Variants in ADAMTS12 observed in about 807,000 individuals in gnomAD.
ADAMTS12 encodes A disintegrin and metalloproteinase with thrombospondin motifs 12.
Under a neutral mutation model 167.8 loss-of-function variants are expected in ADAMTS12, and 118 were observed. The observed-to-expected ratio is 0.70, with a 90% CI of 0.61 to 0.82. The LOEUF (loss-of-function observed/expected upper bound fraction) is 0.82. Ranked by LOEUF, ADAMTS12 falls within the 40% of genes least tolerant of loss-of-function variation. ADAMTS12 has a pLI of 0.00. For missense variants in ADAMTS12, 1,916 were observed against 1,998.8 expected (o/e 0.96, Z 0.79); for synonymous variants, 704 against 716.9 (o/e 0.98, Z 0.29).
intron 2 of ADAMTS12, among the ~76,000 whole-genome samples, chr5:33,757,679 T>C (rs901507439): frequency 6.6e-5 from 10 of 152,124 alleles, no homozygotes; most frequent in Admixed American, 5.9e-4. Context: ...TAAAAGAATA[T>C]AGGATCAAAA....
chr5:33,670,570 C>T (rs957948238), intron 5 of ADAMTS12, among the ~76,000 whole-genome samples: 3 of 152,066 alleles, frequency 2.0e-5, no homozygotes, highest in Non-Finnish European at 2.9e-5. Flanking sequence ...GGTGAAACCC[C>T]GTCCCTATCA....
chr5:33,662,793 G>A lies in ADAMTS12; in HGVS notation c.916-753C>T, dbSNP rs147765488. On this transcript the variant is annotated intron_variant, in intron 5 of 23. Transcript: ENST00000504830. ...AAATAGTCAGCTCTTTAGTGGCTCC[G>A]GTTTAATTTGAATTTCTAAAGGAGA... Among the ~76,000 whole-genome samples, 917 of 152,292 alleles carry A rather than the reference G, an allele frequency of 6.0e-3. 10 individuals carry two copies. The highest frequency in any genetic ancestry group is 0.021 in the African/African-American group (879 of 41,556).
At chr5:33,536,579 A>G (rs1744418221) in intron 22 of ADAMTS12, among the ~76,000 whole-genome samples, 1 of 151,808 alleles carries the variant, frequency 6.6e-6, no homozygotes, top group Non-Finnish European at 1.5e-5. Context: ...TAGCTTGTGT[A>G]GTTTCACTTA....
At chr5:33,680,354 G>A (rs1056079980) in intron 5 of ADAMTS12, among the ~76,000 whole-genome samples, 23 of 152,282 alleles carry the variant, frequency 1.5e-4, no homozygotes, top group African/African-American at 4.8e-4. Flanking sequence ...GAAGAGACAT[G>A]GAGTTTAAAG....
At chr5:33,628,972 T>A (rs931271241) in intron 13 of ADAMTS12, among the ~76,000 whole-genome samples, 3 of 152,318 alleles carry the variant, frequency 2.0e-5, no homozygotes, top group African/African-American at 7.2e-5. Context: ...CAACTTATAA[T>A]GGTTCTCAAT....
intron 19 of ADAMTS12, among the ~76,000 whole-genome samples, chr5:33,561,812 A>G (rs764137378): frequency 6.6e-6 from 1 of 152,152 alleles, no homozygotes; most frequent in African/African-American, 2.4e-5. Flanking sequence ...TCTTGGCATG[A>G]TTGCCCAGGG....
At chr5:33,872,740 T>C (rs533069007) in intron 2 of ADAMTS12, among the ~76,000 whole-genome samples, 1 of 152,240 alleles carries the variant, frequency 6.6e-6, no homozygotes, top group South Asian at 2.1e-4. Context: ...GCAGGACACA[T>C]AATACAACAC....
At chr5:33,757,983 C>T (rs1745224151) in intron 2 of ADAMTS12, among the ~76,000 whole-genome samples, 2 of 152,244 alleles carry the variant, frequency 1.3e-5, no homozygotes, top group South Asian at 2.1e-4. Flanking sequence ...TGACTCATCT[C>T]TTTGCTGCAA....
At chr5:33,705,121 G>C (rs1384050881) in intron 3 of ADAMTS12, among the ~76,000 whole-genome samples, 1 of 151,354 alleles carries the variant, frequency 6.6e-6, no homozygotes, top group Non-Finnish European at 1.5e-5. Context: ...CATCCTCTTA[G>C]CTTAACTCCC....
At chr5:33,620,898 G>A (rs1430468660) in intron 14 of ADAMTS12, among the ~76,000 whole-genome samples, 1 of 152,052 alleles carries the variant, frequency 6.6e-6, no homozygotes, top group Non-Finnish European at 1.5e-5. Flanking sequence ...CATTTGGTTC[G>A]ACCCCGTGTT....
At chr5:33,799,618 G>A (rs138320024) in intron 2 of ADAMTS12, among the ~76,000 whole-genome samples, 78 of 152,316 alleles carry the variant, frequency 5.1e-4, no homozygotes, top group African/African-American at 1.7e-3. Flanking sequence ...GGGTTGTCAA[G>A]GGAACTAAGT....
intron 3 of ADAMTS12, among the ~76,000 whole-genome samples, chr5:33,740,114 A>C (rs1202350994): frequency 6.6e-6 from 1 of 152,202 alleles, no homozygotes; most frequent in Non-Finnish European, 1.5e-5. Flanking sequence ...CAAGTCAGGG[A>C]ATGACAGAGG....
intron 2 of ADAMTS12, among the ~76,000 whole-genome samples, chr5:33,793,966 C>A (rs1211839264): frequency 1.3e-5 from 2 of 152,178 alleles, no homozygotes; most frequent in Non-Finnish European, 2.9e-5. Flanking sequence ...CAAATTGTTA[C>A]AAAGTTCAGC....
Position 33,694,375 on chromosome 5 carries a change from G to T in ADAMTS12, c.635-10320C>A, listed in dbSNP as rs541312728. Among the ~76,000 whole-genome samples, 88 of 152,266 alleles carry T rather than the reference G, an allele frequency of 5.8e-4. 1 individual carries two copies. In the South Asian group the frequency reaches 0.018, roughly 31 times the overall value. Reference sequence around the variant, plus strand: ...ACATAGTAACCTATATAATTACTGAGAAATATAAACCTATGCAATTTGAGT... The same window carrying T: ...ACATAGTAACCTATATAATTACTGATAAATATAAACCTATGCAATTTGAGT... On this transcript the variant is annotated intron_variant, in intron 3 of 23. Transcript: ENST00000504830.
At chr5:33,647,585 G>T (rs1431726707) in intron 9 of ADAMTS12, among the ~76,000 whole-genome samples, 2 of 152,150 alleles carry the variant, frequency 1.3e-5, no homozygotes, top group Non-Finnish European at 2.9e-5. Flanking sequence ...ACAAAAATTA[G>T]CTGGCCCTGT....
intron 2 of ADAMTS12, among the ~76,000 whole-genome samples, chr5:33,768,829 G>T (rs896836632): frequency 6.6e-6 from 1 of 152,064 alleles, no homozygotes; most frequent in Non-Finnish European, 1.5e-5. Flanking sequence ...ATAAGACAAG[G>T]TATGCTTGGT....
intron 2 of ADAMTS12, among the ~76,000 whole-genome samples, chr5:33,788,698 G>C (rs1746424301): frequency 6.6e-6 from 1 of 152,178 alleles, no homozygotes; most frequent in South Asian, 2.1e-4. Flanking sequence ...TTGAGAAAGA[G>C]ACGGGCTATT....
In ADAMTS12 at chr5:33,835,244, C is replaced by G. The variant is rs1748463223; in HGVS notation, c.489+45875G>C. Among the ~76,000 whole-genome samples, 4 of 152,100 alleles carry G rather than the reference C, an allele frequency of 2.6e-5. No individual in the cohort carries two copies. The South Asian group carries it at 8.3e-4, about 32-fold the overall frequency. ...AGACCAAAAGGCAGGGGGGCCATGT[C>G]TGTTTTACTGTATCCCCAGTGAGGT... On this transcript the variant is annotated intron_variant, in intron 2 of 23. Coordinates refer to ENST00000504830, the MANE Select transcript of ADAMTS12 (RefSeq NM_030955.4).
At chr5:33,666,132 C>T (rs1315269835) in intron 5 of ADAMTS12, among the ~76,000 whole-genome samples, 4 of 152,190 alleles carry the variant, frequency 2.6e-5, no homozygotes, top group Non-Finnish European at 2.9e-5. Context: ...TTCAATAAAA[C>T]CCTTCATTCC....
Sources: gnomAD v4.1 joint callset for allele counts (sites outside exome capture counted in the v4.1 genomes callset) on GRCh38, gnomAD v4.1.1 for gene constraint, MANE v1.5 for transcripts, NCBI Gene and HGNC (gene_info 2026-07-23, HGNC 2026-07-21) for gene names.